RASSF4: variants seen among roughly 807,000 people sequenced by gnomAD.
RASSF4 encodes ras association domain-containing protein 4.
A neutral mutation model predicts 41.1 loss-of-function variants in RASSF4; 38 were observed. That is an observed-to-expected ratio of 0.92 (90% confidence interval 0.71 to 1.21). RASSF4 has a LOEUF of 1.21. RASSF4 is among the 50% of genes most tolerant of loss of function. RASSF4 has a pLI of 0.00. For synonymous variants in RASSF4, 179 were observed against 163.4 expected, an observed-to-expected ratio of 1.10 and a Z score of -0.73; for missense variants, 414 against 419.4, an observed-to-expected ratio of 0.99 and a Z score of 0.11.
intron 2 of RASSF4, chr10:44,971,232 T>G: frequency 3.0e-6 from 1 of 330,608 alleles, no homozygotes; most frequent in Non-Finnish European, 6.0e-6. Flanking sequence ...GGAGACAGCG[T>G]TGAGGGAAAG....
In RASSF4 at chr10:44,994,650, C is replaced by T. The variant is rs1026766328; in HGVS notation, c.*1321C>T. On this transcript the variant is annotated 3_prime_UTR_variant, in exon 11 of 11. Coordinates refer to ENST00000340258, the MANE Select transcript of RASSF4 (RefSeq NM_032023.4). ...GGAGGCCTGCCCACTGTTTTGTCGACTCTGCCCTCCTCTGGCAGCATAGAT... is the reference window on the plus strand; with the variant it reads ...GGAGGCCTGCCCACTGTTTTGTCGATTCTGCCCTCCTCTGGCAGCATAGAT... 1 of 152,104 alleles carries T rather than the reference C, an allele frequency of 6.6e-6. No homozygotes were observed. Among genetic ancestry groups the T allele is most frequent in the Non-Finnish European group, 1.5e-5 (1 of 68,030 alleles). 9.4% of individuals were successfully genotyped at this position (152,104 alleles called of 1,614,324 possible).
At chr10:44,992,682 A>G (rs1339298359) in intron 10 of RASSF4, among the ~76,000 whole-genome samples, 1 of 152,136 alleles carries the variant, frequency 6.6e-6, no homozygotes, top group Non-Finnish European at 1.5e-5. Context: ...GCAGGAGCTC[A>G]CTGAGAGGGC....
intron 2 of RASSF4, chr10:44,971,458 G>A: frequency 1.8e-6 from 1 of 555,794 alleles, no homozygotes; most frequent in Non-Finnish European, 3.4e-6. Flanking sequence ...CAGGTGGAGG[G>A]CAGGGAGGCT....
chr10:44,982,224 C>T (rs531860941), intron 3 of RASSF4: 30 of 437,832 alleles, frequency 6.9e-5, no homozygotes, highest in Middle Eastern at 5.7e-4. Context: ...TTCTTCACCG[C>T]GGTGTGGACG....
At chr10:44,991,116 T>G in intron 9 of RASSF4, 47 bp downstream of exon 9, 2 of 1,562,346 alleles carry the variant, frequency 1.3e-6, no homozygotes, top group Non-Finnish European at 1.7e-6. Flanking sequence ...GGTGAGGGGT[T>G]CTTGGGTGAC....
intron 1 of RASSF4, among the ~76,000 whole-genome samples, chr10:44,967,117 G>T (rs1334978717): frequency 6.6e-6 from 1 of 152,214 alleles, no homozygotes; most frequent in African/African-American, 2.4e-5. Context: ...CACGGCAGAG[G>T]TTTATTTCTC....
intron 3 of RASSF4, chr10:44,977,910 C>T (rs754189199): frequency 6.2e-6 from 10 of 1,612,568 alleles, no homozygotes; most frequent in South Asian, 4.4e-5. Flanking sequence ...ATAGACCTCA[C>T]GTAGTCATCC....
At chr10:44,973,149 C>T (rs1841252415) in intron 3 of RASSF4, among the ~76,000 whole-genome samples, 1 of 152,184 alleles carries the variant, frequency 6.6e-6, no homozygotes, top group Non-Finnish European at 1.5e-5. Flanking sequence ...ACAGCTTGCT[C>T]CCCTCCCTCT....
intron 1 of RASSF4, among the ~76,000 whole-genome samples, chr10:44,967,166 C>G (rs573204697): frequency 2.0e-5 from 3 of 152,280 alleles, no homozygotes; most frequent in African/African-American, 7.2e-5. Context: ...GCAGACAGTT[C>G]TGGTCCACAG....
At chr10:44,977,318 G>T (rs1841476729) in intron 3 of RASSF4, 1 of 1,496,860 alleles carries the variant, frequency 6.7e-7, no homozygotes, top group East Asian at 2.3e-5. Context: ...GCCAGGGGCA[G>T]TGACCACCAT....
rs770809150 is a variant in RASSF4 at position 44,989,350 on chromosome 10, T to C, written c.608T>C (p.Leu203Pro). 1 of 1,613,212 alleles carries C rather than the reference T, an allele frequency of 6.2e-7. No individual in the cohort carries two copies. Among genetic ancestry groups the C allele is most frequent in the East Asian group, 2.2e-5 (1 of 44,880 alleles). ...VNSTMTTLQV[L>P]TLLLNKFRVE... The stretch of plus-strand genomic sequence containing the variant: ...AGCACCATGACAACCCTGCAGGTGC[T>C]CACCCTGCTGCTGAACAAATTTAGG... The change falls in exon 7 of 11, where the codon CTC becomes CCC. Residue 203 changes from leucine (L) to proline (P), a missense_variant. Leu to Pro is a moderately conservative substitution (Grantham distance 98). Transcript: ENST00000340258.
chr10:44,964,184 C>T (rs945781406), intron 1 of RASSF4, among the ~76,000 whole-genome samples: 4 of 152,276 alleles, frequency 2.6e-5, no homozygotes, highest in African/African-American at 9.6e-5. Context: ...GGCAGAGCAG[C>T]TGCTGAAGTG....
intron 3 of RASSF4, among the ~76,000 whole-genome samples, chr10:44,980,637 G>A (rs974004486): frequency 6.6e-6 from 1 of 152,218 alleles, no homozygotes; most frequent in Non-Finnish European, 1.5e-5. Context: ...AGGGTGCAGT[G>A]CACAAGCACC....
chr10:44,989,559 C>T, intron 7 of RASSF4, 111 bp from the exon 8 acceptor site: 1 of 1,070,736 alleles, frequency 9.3e-7, no homozygotes, highest in Non-Finnish European at 1.5e-6. Flanking sequence ...AGGACAGGTT[C>T]CTTGCAACTT....
Position 44,995,804 on chromosome 10 carries a change from C to G in RASSF4, c.*2475C>G, listed in dbSNP as rs1294177311. 6.6e-6 allele frequency: 1 copy of G among 152,184 alleles called. No individual in the cohort carries two copies. The highest frequency in any genetic ancestry group is 2.4e-5 in the African/African-American group (1 of 41,454). 9.4% of individuals were successfully genotyped at this position (152,184 alleles called of 1,614,324 possible). The stretch of plus-strand genomic sequence containing the variant: ...GGTTCCTGTGGGGAGCTCCCGCTTT[C>G]TTTCTACATAGAGCTTAGGGTATTT... On this transcript the variant is annotated 3_prime_UTR_variant, in exon 11 of 11. Transcript: ENST00000340258.
At chr10:44,993,007 T>C (rs995953522) in intron 10 of RASSF4, among the ~76,000 whole-genome samples, 3 of 152,196 alleles carry the variant, frequency 2.0e-5, no homozygotes, top group Non-Finnish European at 2.9e-5. Context: ...TCTACCGCCC[T>C]GTCCACTCCA....
intron 6 of RASSF4, among the ~76,000 whole-genome samples, chr10:44,987,901 T>G (rs1841978733): frequency 6.6e-6 from 1 of 152,222 alleles, no homozygotes; most frequent in South Asian, 2.1e-4. Flanking sequence ...TTTATTGAGA[T>G]ATTCGCTTCA....
intron 6 of RASSF4, among the ~76,000 whole-genome samples, chr10:44,988,852 T>C (rs111404765): frequency 0.015 from 2,238 of 152,244 alleles, 61 homozygotes; most frequent in African/African-American, 0.049. Flanking sequence ...GAAGCTGATA[T>C]GGTGTGATCA....
At chr10:44,984,292 C>T in intron 5 of RASSF4, 179 bp downstream of exon 5, 1 of 621,668 alleles carries the variant, frequency 1.6e-6, no homozygotes, top group Non-Finnish European at 2.8e-6. Flanking sequence ...ATTCTCGCTC[C>T]TTTTTATGGA....
Sources: gnomAD v4.1 joint callset for allele counts (sites outside exome capture counted in the v4.1 genomes callset) on GRCh38, gnomAD v4.1.1 for gene constraint, MANE v1.5 for transcripts, NCBI Gene and HGNC (gene_info 2026-07-23, HGNC 2026-07-21) for gene names.